The following TPD52 variants were observed in gnomAD, a reference collection of about 807,000 sequenced individuals.
TPD52 encodes prostate and colon associated protein.
In TPD52, 17 loss-of-function variants were observed where a neutral mutation model predicts 31.3. That is an observed-to-expected ratio of 0.54 (90% CI 0.37 to 0.82). TPD52 has a LOEUF of 0.82. Ranked by LOEUF, TPD52 falls within the 40% of genes least tolerant of loss-of-function variation. TPD52 has a pLI of 0.00. For synonymous variants in TPD52, 83 were observed against 89.6 expected, an observed-to-expected ratio of 0.93 and a Z score of 0.42; for missense variants, 212 against 240.1, an observed-to-expected ratio of 0.88 and a Z score of 0.77.
chr8:80,047,068 T>G (rs912305117), intron 5 of TPD52, among the ~76,000 whole-genome samples: 13 of 152,202 alleles, frequency 8.5e-5, no homozygotes, highest in African/African-American at 3.1e-4. Context: ...CACAATCTTT[T>G]GATGTTGGTG....
chr8:80,093,316 A>G (rs944384424), intron 1 of TPD52, among the ~76,000 whole-genome samples: 1 of 151,956 alleles, frequency 6.6e-6, no homozygotes, highest in African/African-American at 2.4e-5. Context: ...AAGATTAAAG[A>G]GGTGTCATCC....
chr8:80,160,113 C>T (rs934530131), intron 1 of TPD52, among the ~76,000 whole-genome samples: 15 of 152,188 alleles, frequency 9.9e-5, no homozygotes, highest in African/African-American at 3.6e-4. Flanking sequence ...ATTGCTTGAG[C>T]CCATAAGGTC....
chr8:80,073,707 CCTTTT>C (rs1814194275), intron 1 of TPD52, among the ~76,000 whole-genome samples: 1 of 152,330 alleles, frequency 6.6e-6, no homozygotes, highest in African/African-American at 2.4e-5. Context: ...CATTCTCTCT[CCTTTT>C]ATCTCGAGCT....
At chr8:80,076,779 C>T (rs1226943360) in intron 1 of TPD52, among the ~76,000 whole-genome samples, 1 of 152,056 alleles carries the variant, frequency 6.6e-6, no homozygotes, top group Non-Finnish European at 1.5e-5. Context: ...TCAAGTAATC[C>T]TCCTACCTCA....
At chr8:80,128,376 C>T (rs925376376) in intron 1 of TPD52, among the ~76,000 whole-genome samples, 5 of 151,092 alleles carry the variant, frequency 3.3e-5, no homozygotes, top group Admixed American at 6.6e-5. Flanking sequence ...TATCATTGGC[C>T]GGGAGCAGTG....
intron 1 of TPD52, among the ~76,000 whole-genome samples, chr8:80,108,021 T>G (rs1470312315): frequency 6.6e-6 from 1 of 152,170 alleles, no homozygotes; most frequent in Non-Finnish European, 1.5e-5. Context: ...CTGCCTGATT[T>G]GTCAAGAAAA....
At chr8:80,142,948 G>A (rs78875011) in intron 1 of TPD52, among the ~76,000 whole-genome samples, 4 of 152,218 alleles carry the variant, frequency 2.6e-5, no homozygotes, top group Admixed American at 2.6e-4. Flanking sequence ...TGAGGTAAAA[G>A]TAGGTAGTTC....
chr8:80,068,062 GTTT>G (rs78238992), intron 1 of TPD52, among the ~76,000 whole-genome samples: 1 of 149,760 alleles, frequency 6.7e-6, no homozygotes, highest in Non-Finnish European at 1.5e-5. Flanking sequence ...TTTTAATGTT[GTTT>G]TTTTTTTCTC....
At chr8:80,120,460 G>A (rs1209354235) in intron 1 of TPD52, among the ~76,000 whole-genome samples, 1 of 151,868 alleles carries the variant, frequency 6.6e-6, no homozygotes, top group African/African-American at 2.4e-5. Context: ...CAGCCTGAGC[G>A]ACAGAGCAAG....
intron 1 of TPD52, among the ~76,000 whole-genome samples, chr8:80,143,333 T>C (rs1168565534): frequency 1.3e-5 from 2 of 152,228 alleles, no homozygotes; most frequent in Non-Finnish European, 2.9e-5. Context: ...AAGTCATCTT[T>C]ATTTGCCTTT....
At chr8:80,044,300 G>A in intron 5 of TPD52, 92 bp from the exon 6 acceptor site, 1 of 996,076 alleles carries the variant, frequency 1.0e-6, no homozygotes, top group Non-Finnish European at 1.5e-6. Flanking sequence ...CTCCCCAGGA[G>A]CTTTATTCTC....
At chr8:80,162,743 ACAACT>A (rs1470732031) in intron 1 of TPD52, among the ~76,000 whole-genome samples, 2 of 152,196 alleles carry the variant, frequency 1.3e-5, no homozygotes, top group Middle Eastern at 3.2e-3. Flanking sequence ...AAAAAGTCGT[ACAACT>A]CAACAACTAA....
At chr8:80,052,483 T>A in intron 3 of TPD52, 1 of 418,698 alleles carries the variant, frequency 2.4e-6, no homozygotes, top group Non-Finnish European at 4.0e-6. Flanking sequence ...CCTGTATGTT[T>A]TCCCACTGCC....
chr8:80,073,123 A>C (rs1350426047), intron 1 of TPD52, among the ~76,000 whole-genome samples: 1 of 152,030 alleles, frequency 6.6e-6, no homozygotes, highest in Non-Finnish European at 1.5e-5. Context: ...AGAAAGAAAG[A>C]AGGAAAGAAA....
At chr8:80,169,630 C>A (rs1811945399) in intron 1 of TPD52, among the ~76,000 whole-genome samples, 1 of 152,118 alleles carries the variant, frequency 6.6e-6, no homozygotes, top group Admixed American at 6.5e-5. Flanking sequence ...TGACAAGTAC[C>A]AAACATAGTT....
chr8:80,099,509 CTT>C (rs756408673), intron 1 of TPD52, among the ~76,000 whole-genome samples: 27 of 134,522 alleles, frequency 2.0e-4, no homozygotes, highest in African/African-American at 3.0e-4. Flanking sequence ...GGTCTAACAT[CTT>C]TTTTTTTTTT....
intron 1 of TPD52, among the ~76,000 whole-genome samples, chr8:80,115,561 C>A (rs979672632): frequency 6.6e-6 from 1 of 152,218 alleles, no homozygotes; most frequent in Admixed American, 6.5e-5. Context: ...AATGTCATCT[C>A]TGAACAGCCA....
rs1195102381 is a variant in TPD52, at chr8:80,044,428, C to A, written c.414-220G>T. Among the ~76,000 whole-genome samples the A allele has an allele frequency of 3.9e-5, 6 of 152,118 alleles. No homozygotes were observed. The East Asian group carries it at 9.6e-4, about 24-fold the overall frequency. Reference sequence around the variant, plus strand: ...CAGGAGTTACTAGAGCTAACAATACCACCTTGCATTTTTACAGCACTTTGA... The same window carrying A: ...CAGGAGTTACTAGAGCTAACAATACAACCTTGCATTTTTACAGCACTTTGA... On this transcript the variant is annotated intron_variant, in intron 5 of 7. Coordinates refer to ENST00000518937, the MANE Select transcript of TPD52 (RefSeq NM_001025253.3).
chr8:80,120,301 C>T (rs1808170205), intron 1 of TPD52, among the ~76,000 whole-genome samples: 1 of 152,062 alleles, frequency 6.6e-6, no homozygotes, highest in Non-Finnish European at 1.5e-5. Flanking sequence ...CCAGCCTAGC[C>T]AACACGGCAA....
Sources: allele counts gnomAD v4.1 joint callset (sites outside exome capture counted in the v4.1 genomes callset), GRCh38; gene constraint gnomAD v4.1.1; transcripts MANE v1.5; gene names NCBI Gene and HGNC (gene_info 2026-07-23, HGNC 2026-07-21).